The following MAP4 variants were observed in gnomAD, a reference collection of about 807,000 sequenced individuals.
The protein encoded by MAP4 is microtubule associated protein 4.
MAP4 carries 76 observed loss-of-function variants against 170.2 expected under a neutral mutation model. The observed-to-expected ratio is 0.45, with a 90% CI of 0.37 to 0.54. The LOEUF is 0.54. MAP4 is among the 20% of genes least tolerant of loss of function. MAP4 has a pLI of 0.00. For synonymous variants in MAP4, 909 were observed against 994.5 expected (o/e 0.91, Z 1.62); for missense variants, 2,506 against 2,748.0 (o/e 0.91, Z 1.97).
At chr3:47,973,853 T>C (rs2100080289) in intron 3 of MAP4, 1 of 985,318 alleles carries the variant, frequency 1.0e-6, no homozygotes, top group South Asian at 4.7e-5. Context: ...GTGTTTTCTT[T>C]GATGGTGTAT....
chr3:47,950,814 T>A (rs1009200135), intron 3 of MAP4, among the ~76,000 whole-genome samples: 3 of 152,190 alleles, frequency 2.0e-5, no homozygotes, highest in Non-Finnish European at 4.4e-5. Context: ...GTGGCCCCAA[T>A]CATCTGTAGG....
At chr3:48,048,581 C>T (rs903436379) in intron 1 of MAP4, among the ~76,000 whole-genome samples, 1 of 144,340 alleles carries the variant, frequency 6.9e-6, no homozygotes, top group African/African-American at 2.6e-5. Context: ...GCAGTGGCAG[C>T]GCCAAGGCTC....
intron 2 of MAP4, among the ~76,000 whole-genome samples, chr3:47,979,802 CTT>C (rs1559684871): frequency 6.6e-6 from 1 of 151,968 alleles, no homozygotes; most frequent in South Asian, 2.1e-4. Context: ...CAACTTGAGT[CTT>C]TTCCAAAAAT....
At position 47,910,219 on chromosome 3, in the gene MAP4, C is replaced by G. The variant is rs372312225; in HGVS notation, c.4202G>C (p.Gly1401Ala). The change falls in exon 9 of 21, where the codon GGA (glycine) becomes GCA (alanine). Residue 1401 changes from glycine (G) to alanine (A), a missense_variant. By Grantham distance (60) the Gly-to-Ala change is moderately conservative. This residue lies in a region of MAP4 where 2,008 missense variants were observed against 2,206.0 expected (regional missense o/e 0.91). Transcript: ENST00000683076. ...HVPMETTGDQ[G>A]IEGMAYMDEN... is the part of the protein sequence containing the mutation. ...GTCCATATAGGCCATTCCTTCAATTCCCTGGTCCCCTGTGGTTTCCATGGG... is the reference window on the plus strand; with the variant it reads ...GTCCATATAGGCCATTCCTTCAATTGCCTGGTCCCCTGTGGTTTCCATGGG... 8.7e-6 allele frequency: 14 copies of G among 1,611,802 alleles called. No individual in the cohort carries two copies. In the African/African-American group the frequency reaches 1.9e-4, roughly 22 times the overall value.
upstream of MAP4, among the ~76,000 whole-genome samples, chr3:48,020,346 C>T (rs2100109945): frequency 6.6e-6 from 1 of 152,212 alleles, no homozygotes. Context: ...ATTTGTCCTG[C>T]TAGGTGCGCT....
chr3:48,074,679 TGTGTGTGTGTG>T (rs2100142879), intron 1 of MAP4, among the ~76,000 whole-genome samples: 10 of 125,392 alleles, frequency 8.0e-5, no homozygotes, highest in Admixed American at 1.9e-4. Context: ...CAGCTAATTG[TGTGTGTGTGTG>T]TGTGTGTGTG....
intron 9 of MAP4, among the ~76,000 whole-genome samples, chr3:47,904,112 G>C (rs1230287025): frequency 1.3e-5 from 2 of 152,142 alleles, no homozygotes; most frequent in South Asian, 4.1e-4. Context: ...AGAAAAGCAT[G>C]GATCTTAGAA....
At chr3:47,973,091 G>T in intron 3 of MAP4, 1 of 980,598 alleles carries the variant, frequency 1.0e-6, no homozygotes, top group Non-Finnish European at 1.2e-6. Context: ...AGGTGTTAAT[G>T]TAAGATGTTT....
At position 47,875,998 on chromosome 3, in the gene MAP4, C is replaced by G. The variant is rs1044102896; in HGVS notation, c.5542-98G>C. The G allele has an allele frequency of 1.3e-5, 12 of 889,398 alleles. No homozygotes were observed. The African/African-American group carries it at 1.9e-4, about 14-fold the overall frequency. The allele number at this position is 889,398 out of a possible 1,614,324, so 55.1% of individuals were successfully genotyped here. On this transcript the variant is annotated intron_variant, in intron 11 of 20. Coordinates refer to ENST00000683076, the MANE Select transcript of MAP4 (RefSeq NM_001385682.1). ...CAAATTAAAAAAAGTATAAATTGCA[C>G]AATTCAAAGTAAAATTATAAGCAAT...
In MAP4 at chr3:47,959,539, A is replaced by G. The variant is rs903470995; in HGVS notation, c.292+18326T>C. Reference sequence around the variant, plus strand: ...TGGGAGGCCGAGGTGGGCAGATCACAAGGTCAGGAGATCGAGACCATCCTG... The same window carrying G: ...TGGGAGGCCGAGGTGGGCAGATCACGAGGTCAGGAGATCGAGACCATCCTG... On this transcript the variant is annotated intron_variant, in intron 3 of 20. Transcript: ENST00000683076. Among the ~76,000 whole-genome samples, 7 of 151,908 alleles carry G rather than the reference A, an allele frequency of 4.6e-5. 1 individual carries two copies. The South Asian group carries it at 1.5e-3, about 32-fold the overall frequency.
chr3:47,872,171 T>G, intron 12 of MAP4, 71 bp from the exon 13 acceptor site: 5 of 1,346,898 alleles, frequency 3.7e-6, no homozygotes, highest in Non-Finnish European at 5.1e-6. Context: ...TACAAGATGC[T>G]TCTTTTTTTG....
chr3:48,084,882 A>C (rs2100148311), intron 1 of MAP4, among the ~76,000 whole-genome samples: 1 of 151,622 alleles, frequency 6.6e-6, no homozygotes, highest in South Asian at 2.1e-4. Flanking sequence ...GCCTCAAGCA[A>C]TCCTCCGCCT....
chr3:48,065,238 T>C (rs1025171012), intron 1 of MAP4, among the ~76,000 whole-genome samples: 1 of 152,216 alleles, frequency 6.6e-6, no homozygotes, highest in Admixed American at 6.5e-5. Context: ...CTAACATTAC[T>C]AATACCACTC....
intron 3 of MAP4, among the ~76,000 whole-genome samples, chr3:47,938,477 A>C (rs898887552): frequency 2.6e-5 from 4 of 152,206 alleles, no homozygotes; most frequent in African/African-American, 9.7e-5. Flanking sequence ...GGGCTCAAGC[A>C]ATCCTCCCCT....
chr3:47,981,298 T>C (rs1409419362), intron 2 of MAP4, among the ~76,000 whole-genome samples: 1 of 152,122 alleles, frequency 6.6e-6, no homozygotes, highest in Non-Finnish European at 1.5e-5. Flanking sequence ...GGTATGCCTA[T>C]AGTCCCAGCT....
chr3:47,908,507 T>C (rs2100034328), intron 9 of MAP4, among the ~76,000 whole-genome samples: 1 of 152,224 alleles, frequency 6.6e-6, no homozygotes, highest in African/African-American at 2.4e-5. Context: ...CTACCAATGC[T>C]GGTTTGAGGC....
chr3:47,947,356 G>A (rs1372716211), intron 3 of MAP4, among the ~76,000 whole-genome samples: 2 of 152,056 alleles, frequency 1.3e-5, no homozygotes, highest in Non-Finnish European at 2.9e-5. Flanking sequence ...CTACCCCAAG[G>A]CAGCAGAGCC....
At chr3:47,961,499 G>A (rs1400593845) in intron 3 of MAP4, among the ~76,000 whole-genome samples, 3 of 152,122 alleles carry the variant, frequency 2.0e-5, no homozygotes, top group African/African-American at 7.2e-5. Flanking sequence ...TGTTATATGG[G>A]AGCTCAAATG....
intron 1 of MAP4, chr3:48,013,581 A>G (rs1359898522): frequency 6.6e-6 from 1 of 152,116 alleles, no homozygotes; most frequent in East Asian, 1.9e-4. Flanking sequence ...GCTACTTGTA[A>G]TTCAGCTGCA....
Sources: gnomAD v4.1 joint callset for allele counts (sites outside exome capture counted in the v4.1 genomes callset) on GRCh38, gnomAD v4.1.1 for gene constraint, gnomAD v4.1.1 regional missense constraint, MANE v1.5 for transcripts, NCBI Gene and HGNC (gene_info 2026-07-23, HGNC 2026-07-21) for gene names.